Variants in DNAH11 observed in about 807,000 individuals in gnomAD.
DNAH11 encodes the protein axonemal beta dynein heavy chain 11.
Under a neutral mutation model 526.0 loss-of-function variants are expected in DNAH11, and 442 were observed. The ratio of observed to expected loss-of-function variants is 0.84; its 90% confidence interval spans 0.78 to 0.91. DNAH11 has a LOEUF of 0.91. DNAH11 is among the 40% of genes least tolerant of loss of function. The pLI, the probability that DNAH11 is intolerant of heterozygous loss-of-function variation, is 0.00. For missense variants in DNAH11, 6,989 were observed against 5,448.7 expected (o/e 1.28, Z -8.90); for synonymous variants, 2,461 against 1,935.9 (o/e 1.27, Z -7.12).
rs1784370498 is a variant in DNAH11 at position 21,892,729 on chromosome 7, A to G, written c.12750+62A>G. 9 of 1,487,556 alleles carry G rather than the reference A, an allele frequency of 6.1e-6. No individual in the cohort carries two copies. The South Asian group carries it at 1.1e-4, about 18-fold the overall frequency. 92.1% of individuals were successfully genotyped at this position (1,487,556 alleles called of 1,614,324 possible). A position where few individuals can be genotyped will look rare whatever the true frequency, so the allele number is the denominator to read the frequency against. On this transcript the variant is annotated intron_variant, in intron 77 of 81. Transcript: ENST00000409508. ...GTATAACTTACTTGTACTGAAGTCT[A>G]CTAATCTTAATTGTGCAAATCAATA...
chr7:21,811,762 A>T (rs574387298), intron 63 of DNAH11, among the ~76,000 whole-genome samples: 2 of 152,340 alleles, frequency 1.3e-5, no homozygotes, highest in African/African-American at 4.8e-5. Context: ...TGTAAATAGT[A>T]GGGTAAAGTC....
chr7:21,692,980 A>T (rs77831827), intron 35 of DNAH11, among the ~76,000 whole-genome samples: 5,088 of 152,276 alleles, frequency 0.033, 192 homozygotes, highest in African/African-American at 0.1. Context: ...TTTTGTGAAA[A>T]GCCGTATTCT....
At chr7:21,711,180 C>G (rs1282564674) in intron 41 of DNAH11, among the ~76,000 whole-genome samples, 4 of 152,114 alleles carry the variant, frequency 2.6e-5, no homozygotes, top group Non-Finnish European at 5.9e-5. Flanking sequence ...CGGTACAGGT[C>G]TGTGAGATAT....
At chr7:21,544,533 CAG>C (rs1466480110) in intron 1 of DNAH11, among the ~76,000 whole-genome samples, 10 of 152,154 alleles carry the variant, frequency 6.6e-5, no homozygotes, top group African/African-American at 2.4e-4. Flanking sequence ...TGGAATGACT[CAG>C]TAGTTGTGGA....
At chr7:21,632,830 C>T (rs965371651) in intron 25 of DNAH11, among the ~76,000 whole-genome samples, 2 of 152,178 alleles carry the variant, frequency 1.3e-5, no homozygotes, top group South Asian at 2.1e-4. Context: ...AAAGTTGCTT[C>T]CACATTTTCG....
chr7:21,682,360 A>T (rs1239770297), intron 31 of DNAH11, among the ~76,000 whole-genome samples: 1 of 151,922 alleles, frequency 6.6e-6, no homozygotes, highest in South Asian at 2.1e-4. Flanking sequence ...CCCCGTCTCT[A>T]ATAAAAATAC....
chr7:21,705,646 C>A, intron 39 of DNAH11, 109 bp downstream of exon 39: 1 of 1,064,926 alleles, frequency 9.4e-7, no homozygotes, highest in Non-Finnish European at 1.4e-6. Flanking sequence ...ATGAAGCCCA[C>A]CATAATTTTG....
At chr7:21,561,475 G>T in intron 5 of DNAH11, 1 of 231,500 alleles carries the variant, frequency 4.3e-6, no homozygotes, top group Non-Finnish European at 8.3e-6. Context: ...CTGGATAGAG[G>T]TTTTCCAATC....
At chr7:21,714,580 A>G (rs1298964208) in intron 42 of DNAH11, among the ~76,000 whole-genome samples, 2 of 152,206 alleles carry the variant, frequency 1.3e-5, no homozygotes, top group Middle Eastern at 3.2e-3. Context: ...TGAGATAGAC[A>G]TAATTATTAA....
At chr7:21,636,673 A>G (rs1193158427) in intron 26 of DNAH11, among the ~76,000 whole-genome samples, 1 of 152,136 alleles carries the variant, frequency 6.6e-6, no homozygotes, top group African/African-American at 2.4e-5. Context: ...AGGTAGTTTG[A>G]GGTTGCAGTG....
chr7:21,852,704 A>G lies in DNAH11; in HGVS notation c.11061+73A>G, dbSNP rs535879262. The G allele has an allele frequency of 2.7e-6, 4 of 1,460,464 alleles. No individual in the cohort carries two copies. In the East Asian group the frequency reaches 7.0e-5, roughly 26 times the overall value. 90.5% of individuals were successfully genotyped at this position (1,460,464 alleles called of 1,614,324 possible). A position where few individuals can be genotyped will look rare whatever the true frequency, so the allele number is the denominator to read the frequency against. ...TGAGACATGTGGGGTGGGCAGTGTG[A>G]TCAGACTTGGTAATTCCTCTAAGAG... On this transcript the variant is annotated intron_variant, in intron 67 of 81. Coordinates refer to ENST00000409508, the MANE Select transcript of DNAH11 (RefSeq NM_001277115.2).
At position 21,638,927 on chromosome 7, in the gene DNAH11, T is replaced by A. The variant is rs886328924; in HGVS notation, c.4818-12T>A. ...GACAAGATATGCTTAAAAACATTTT[T>A]CATTCATGTAGGCTTTCTCTTTGTG... On this transcript the variant is annotated splice_polypyrimidine_tract_variant and intron_variant, in intron 27 of 81. Coordinates refer to ENST00000409508, the MANE Select transcript of DNAH11 (RefSeq NM_001277115.2). The A allele has an allele frequency of 1.3e-6, 2 of 1,594,196 alleles. No individual in the cohort carries two copies. Among genetic ancestry groups the A allele is most frequent in the Non-Finnish European group, 1.7e-6 (2 of 1,173,680 alleles).
chr7:21,690,306 GA>G (rs1783560276), intron 34 of DNAH11, among the ~76,000 whole-genome samples: 1 of 152,172 alleles, frequency 6.6e-6, no homozygotes, highest in South Asian at 2.1e-4. Flanking sequence ...TTGAGTCAAT[GA>G]AAGGTATGGA....
chr7:21,785,484 A>G (rs1788132731), intron 58 of DNAH11, among the ~76,000 whole-genome samples: 1 of 152,256 alleles, frequency 6.6e-6, no homozygotes, highest in Admixed American at 6.5e-5. Flanking sequence ...AAGTGAATAA[A>G]GCAGATTATA....
intron 45 of DNAH11, among the ~76,000 whole-genome samples, chr7:21,730,250 G>C (rs890940497): frequency 6.6e-6 from 1 of 152,202 alleles, no homozygotes; most frequent in African/African-American, 2.4e-5. Context: ...TGGATGAACA[G>C]ACAAAGAAAA....
At chr7:21,564,430 A>G in intron 6 of DNAH11, 33 bp downstream of exon 6, 1 of 1,547,008 alleles carries the variant, frequency 6.5e-7, no homozygotes, top group South Asian at 1.1e-5. Context: ...AACAATAAGA[A>G]TTGTTGCTGT....
intron 65 of DNAH11, among the ~76,000 whole-genome samples, chr7:21,823,234 A>G (rs1790130573): frequency 6.6e-6 from 1 of 151,962 alleles, no homozygotes; most frequent in Non-Finnish European, 1.5e-5. Context: ...CTATCTTTTG[A>G]TAGGGTTTTT....
intron 45 of DNAH11, among the ~76,000 whole-genome samples, chr7:21,730,394 A>G (rs1785327364): frequency 6.6e-6 from 1 of 152,230 alleles, no homozygotes; most frequent in African/African-American, 2.4e-5. Context: ...TGCATTTCAG[A>G]TTAGGAATGC....
chr7:21,706,608 C>T (rs558802447), intron 39 of DNAH11, among the ~76,000 whole-genome samples: 1 of 152,186 alleles, frequency 6.6e-6, no homozygotes, highest in East Asian at 1.9e-4. Context: ...TCTATACTTT[C>T]CAGTGGATTA....
Sources: allele counts gnomAD v4.1 joint callset (sites outside exome capture counted in the v4.1 genomes callset), GRCh38; gene constraint gnomAD v4.1.1; transcripts MANE v1.5; gene names NCBI Gene and HGNC (gene_info 2026-07-23, HGNC 2026-07-21).